The following ANKH variants were observed in gnomAD, a reference collection of about 807,000 sequenced individuals.
ANKH encodes the protein mineralization regulator ANKH.
Under a neutral mutation model 49.0 loss-of-function variants are expected in ANKH, and 15 were observed. The observed-to-expected ratio is 0.31, with a 90% CI of 0.20 to 0.47. The LOEUF (loss-of-function observed/expected upper bound fraction) is 0.47. Ranked by LOEUF, ANKH falls within the 20% of genes least tolerant of loss-of-function variation. The pLI, the probability that ANKH is intolerant of heterozygous loss-of-function variation, is 1.00. For synonymous variants in ANKH, 273 were observed against 260.0 expected, an observed-to-expected ratio of 1.05 and a Z score of -0.48; for missense variants, 429 against 652.0, an observed-to-expected ratio of 0.66 and a Z score of 3.72.
At chr5:14,846,924 C>A (rs146883210) in intron 1 of ANKH, among the ~76,000 whole-genome samples, 7 of 147,084 alleles carry the variant, frequency 4.8e-5, no homozygotes, top group African/African-American at 1.7e-4. Context: ...AGGAGAATTG[C>A]TTGAACTCAG....
chr5:14,836,876 A>T (rs1275525461), intron 1 of ANKH, among the ~76,000 whole-genome samples: 2 of 152,248 alleles, frequency 1.3e-5, no homozygotes, highest in African/African-American at 4.8e-5. Flanking sequence ...CTATACTACA[A>T]GGCTACAGTA....
rs368395828 is a variant in ANKH, at chr5:14,711,281, C to G, written c.1395G>C (p.Thr465=). Residue 465 remains threonine (T), a synonymous_variant, in exon 12 of 12, where the codon ACG becomes ACC. Transcript: ENST00000284268. The stretch of plus-strand genomic sequence containing the variant: ...CTGTCATGGCAGAGTCTTCCCCCTC[C>G]GTGGCCGACTCATTCTCCATCTTCT... ...QKKKMENESA[T]EGEDSAMTDM... 1 of 1,614,136 alleles carries G rather than the reference C, an allele frequency of 6.2e-7. No individual in the cohort carries two copies. Among genetic ancestry groups the G allele is most frequent in the East Asian group, 2.2e-5 (1 of 44,864 alleles).
At chr5:14,758,781 A>G (rs1040308115) in intron 2 of ANKH, among the ~76,000 whole-genome samples, 183 bp from the exon 3 acceptor site, 1 of 152,274 alleles carries the variant, frequency 6.6e-6, no homozygotes, top group Non-Finnish European at 1.5e-5. Flanking sequence ...GTCACAGCCA[A>G]TGAATGCTCT....
rs570531704 is a variant in ANKH at position 14,725,707 on chromosome 5, C to T, written c.1012-8872G>A. Among the ~76,000 whole-genome samples, 44 of 152,326 alleles carry T rather than the reference C, an allele frequency of 2.9e-4. No individual in the cohort carries two copies. The highest frequency in any genetic ancestry group is 3.4e-3 in the Middle Eastern group (1 of 294). On this transcript the variant is annotated intron_variant, in intron 8 of 11. Transcript: ENST00000284268. The surrounding 1 kb of genome is among the most constrained non-coding windows in gnomAD (Gnocchi z 4.0). ...TTGAATTTTCCTCTTTGTATTTTTC[C>T]GTGGCTTCCACAAAGAACATGTATT...
chr5:14,842,541 T>C (rs1348986569), intron 1 of ANKH, among the ~76,000 whole-genome samples: 1 of 152,174 alleles, frequency 6.6e-6, no homozygotes, highest in Non-Finnish European at 1.5e-5. Flanking sequence ...GACTCTCTTC[T>C]ATAGCCTTCC....
intron 8 of ANKH, 35 bp from the exon 9 acceptor site, chr5:14,716,870 A>G (rs2126415766): frequency 6.2e-7 from 1 of 1,611,788 alleles, no homozygotes; most frequent in South Asian, 1.1e-5. Context: ...GTTGTGAGGA[A>G]AAAGTGTAAG....
intron 1 of ANKH, among the ~76,000 whole-genome samples, chr5:14,835,005 A>G (rs763910696): frequency 1.2e-4 from 19 of 152,306 alleles, no homozygotes; most frequent in Admixed American, 3.9e-4. Flanking sequence ...TCTCAAGTAA[A>G]ACAGCCAAAG....
intron 1 of ANKH, among the ~76,000 whole-genome samples, chr5:14,787,798 A>G (rs894314520): frequency 6.6e-6 from 1 of 152,164 alleles, no homozygotes; most frequent in African/African-American, 2.4e-5. Context: ...TCTCACTTGA[A>G]AAACACTGTG....
At chr5:14,847,025 A>G (rs1232336126) in intron 1 of ANKH, among the ~76,000 whole-genome samples, 2 of 150,412 alleles carry the variant, frequency 1.3e-5, no homozygotes, top group East Asian at 2.0e-4. Context: ...AAAAAAAACA[A>G]TGAAACTCGA....
intron 1 of ANKH, among the ~76,000 whole-genome samples, chr5:14,790,844 A>G (rs1740142087): frequency 1.3e-5 from 2 of 152,148 alleles, no homozygotes; most frequent in South Asian, 4.1e-4. Context: ...TCCTTACCTC[A>G]AGAGATCCAC....
chr5:14,825,793 C>G (rs547017054), intron 1 of ANKH: 2 of 152,214 alleles, frequency 1.3e-5, no homozygotes, highest in Non-Finnish European at 2.9e-5. Context: ...TTAACGTTGT[C>G]CGTGTACAGG....
intron 8 of ANKH, among the ~76,000 whole-genome samples, chr5:14,731,701 C>T (rs1249494007): frequency 6.6e-6 from 1 of 152,178 alleles, no homozygotes; most frequent in Non-Finnish European, 1.5e-5. Flanking sequence ...GTTGGAAATC[C>T]TAGAAGGGCC....
At position 14,757,411 on chromosome 5, in the gene ANKH, A is replaced by AAT. The variant is rs1384993981; in HGVS notation, c.432+1068_432+1069insAT. ...ACTTTCCAGCATTGGACCTTATTGG[A>AAT]ACATATATATATATATATATTTTTT... On this transcript the variant is annotated intron_variant, in intron 3 of 11. Coordinates refer to ENST00000284268, the MANE Select transcript of ANKH (RefSeq NM_054027.6). Among the ~76,000 whole-genome samples, 231 of 96,264 alleles carry AAT rather than the reference A, an allele frequency of 2.4e-3. 6 individuals are homozygous for AAT. Among genetic ancestry groups the AAT allele is most frequent in the African/African-American group, 9.9e-3 (191 of 19,244 alleles). 63.2% of individuals were successfully genotyped at this position (96,264 alleles called of 152,430 possible). A position where few individuals can be genotyped will look rare whatever the true frequency, so the allele number is the denominator to read the frequency against.
intron 1 of ANKH, among the ~76,000 whole-genome samples, chr5:14,786,438 C>A (rs1240635041): frequency 6.6e-6 from 1 of 152,008 alleles, no homozygotes; most frequent in Non-Finnish European, 1.5e-5. Context: ...TGGACCTGGG[C>A]AAAATGAGTT....
At chr5:14,834,696 A>G (rs1741604745) in intron 1 of ANKH, among the ~76,000 whole-genome samples, 1 of 152,112 alleles carries the variant, frequency 6.6e-6, no homozygotes, top group Non-Finnish European at 1.5e-5. Context: ...CAGGAGAATC[A>G]CTTGAACCCA....
In ANKH at chr5:14,745,234, G is replaced by A. The variant is rs866245215; in HGVS notation, c.915+636C>T. 6.7e-6 allele frequency among the ~76,000 whole-genome samples: 1 copy of A among 150,056 alleles called. No homozygotes were observed. Among genetic ancestry groups the A allele is most frequent in the East Asian group, 1.9e-4 (1 of 5,176 alleles). On this transcript the variant is annotated intron_variant, in intron 7 of 11. Coordinates refer to ENST00000284268, the MANE Select transcript of ANKH (RefSeq NM_054027.6). The surrounding 1 kb of genome is among the most constrained non-coding windows in gnomAD (Gnocchi z 4.7). ...CATTTGTTTTAGAGTATTAAAAAAA[G>A]TCTATAGGTTTAAATGATAACGCTA...
chr5:14,722,035 C>G (rs1182735401), intron 8 of ANKH, among the ~76,000 whole-genome samples: 2 of 151,718 alleles, frequency 1.3e-5, no homozygotes, highest in East Asian at 3.9e-4. Flanking sequence ...AAGTACTGAG[C>G]CCTAGCATAA....
chr5:14,732,990 C>T (rs1301179223), intron 8 of ANKH, among the ~76,000 whole-genome samples: 1 of 152,188 alleles, frequency 6.6e-6, no homozygotes, highest in Non-Finnish European at 1.5e-5. Flanking sequence ...GAACCCATCT[C>T]CAGTTTCAAA....
At chr5:14,844,418 T>C (rs190595279) in intron 1 of ANKH, among the ~76,000 whole-genome samples, 1 of 152,350 alleles carries the variant, frequency 6.6e-6, no homozygotes, top group African/African-American at 2.4e-5. Flanking sequence ...AGAAGCAAAC[T>C]GTCACTTAGA....
Sources: allele counts gnomAD v4.1 joint callset (sites outside exome capture counted in the v4.1 genomes callset), GRCh38; gene constraint gnomAD v4.1.1; non-coding constraint Gnocchi (gnomAD v3.1); transcripts MANE v1.5; gene names NCBI Gene and HGNC (gene_info 2026-07-23, HGNC 2026-07-21).